USP6: variants seen among roughly 807,000 people sequenced by gnomAD.
USP6 encodes ubiquitin specific peptidase 6, also known as ubiquitin carboxyl-terminal hydrolase 6.
USP6 carries 128 observed loss-of-function variants against 175.7 expected under a neutral mutation model. The ratio of observed to expected loss-of-function variants is 0.73; its 90% CI spans 0.63 to 0.84. The LOEUF (loss-of-function observed/expected upper bound fraction) is 0.84, where lower values mean the gene tolerates loss of function less well. Ranked by LOEUF, USP6 falls within the 40% of genes least tolerant of loss-of-function variation. The pLI is 0.00. For missense variants in USP6, 1,498 were observed against 1,760.3 expected (o/e 0.85, Z 2.67); for synonymous variants, 562 against 630.6 (o/e 0.89, Z 1.63).
intron 22 of USP6, among the ~76,000 whole-genome samples, chr17:5,139,956 T>C (rs2143936937): frequency 6.6e-6 from 1 of 152,202 alleles, no homozygotes; most frequent in East Asian, 1.9e-4. Context: ...TTTGTTAAAC[T>C]TATGAAAATT....
In USP6 at chr17:5,141,447, G is replaced by A; in HGVS notation, c.1521G>A (p.Trp507Ter). 6.2e-7 allele frequency: 1 copy of A among 1,609,468 alleles called. No individual in the cohort carries two copies. The highest frequency in any genetic ancestry group is 8.5e-7 in the Non-Finnish European group (1 of 1,178,262). ...CAGTTCACAACAAAGATATGAGTTG[G>A]CCTGAGGAGATGTCTTTTACAGCAA... Reference protein sequence around the residue: ...CGEVHNKDMSWPEEMSFTANS... With the variant: ...CGEVHNKDMS Residue 507 changes from tryptophan to a stop codon, truncating the protein, a stop_gained, in exon 23 of 38, where the codon TGG becomes TGA. Transcript: ENST00000574788. LOFTEE classifies it high-confidence loss of function.
chr17:5,130,571 A>ACC (rs746769780), intron 10 of USP6, 31 bp from the exon 11 acceptor site: 1 of 1,612,454 alleles, frequency 6.2e-7, no homozygotes, highest in Admixed American at 1.7e-5. Flanking sequence ...TTTACCTTGG[A>ACC]CCCCTCACCA....
In USP6 at chr17:5,172,896, T is replaced by C. The variant is rs764307182; in HGVS notation, c.4139T>C (p.Ile1380Thr). Reference protein sequence around the residue: ...GIDYAQFLPKIDGKKMADTSS... With the variant: ...GIDYAQFLPKTDGKKMADTSS... ...GACTACGCACAATTTCTGCCAAAGATTGATGGCAAAAAGATGGCAGACACA... is the reference window on the plus strand; with the variant it reads ...GACTACGCACAATTTCTGCCAAAGACTGATGGCAAAAAGATGGCAGACACA... The change falls in exon 38 of 38, where the codon ATT becomes ACT. Residue 1380 changes from isoleucine to threonine, a missense_variant. Ile to Thr is a moderately conservative substitution (Grantham distance 89). This residue lies in a region of USP6 where 1,217 missense variants were observed against 1,500.8 expected (regional missense o/e 0.81). Coordinates refer to ENST00000574788, the MANE Select transcript of USP6 (RefSeq NM_001304284.2). 12 of 1,613,816 alleles carry C rather than the reference T, an allele frequency of 7.4e-6. No individual in the cohort carries two copies. In the Middle Eastern group the frequency reaches 4.9e-4, roughly 66 times the overall value.
intron 22 of USP6, 88 bp from the exon 23 acceptor site, chr17:5,141,337 G>T: frequency 8.4e-7 from 1 of 1,185,664 alleles, no homozygotes; most frequent in African/African-American, 1.6e-5. Flanking sequence ...TTAGGAATAA[G>T]ATGTCTTTAA....
At position 5,173,459 on chromosome 17, in the gene USP6, T is replaced by C. The variant is rs998376197; in HGVS notation, c.*481T>C. ...TGGAGAAAGCAAGATCATGAAGGTG[T>C]GCAAATGATTCTTACGGCATGGACA... On this transcript the variant is annotated 3_prime_UTR_variant, in exon 38 of 38. Coordinates refer to ENST00000574788, the MANE Select transcript of USP6 (RefSeq NM_001304284.2). 3 of 222,510 alleles carry C rather than the reference T, an allele frequency of 1.3e-5. No homozygotes were observed. Among genetic ancestry groups the C allele is most frequent in the African/African-American group, 2.2e-5 (1 of 44,688 alleles). 13.8% of individuals were successfully genotyped at this position (222,510 alleles called of 1,614,324 possible).
intron 30 of USP6, among the ~76,000 whole-genome samples, chr17:5,150,744 C>T (rs1439512163): frequency 4.6e-5 from 7 of 152,214 alleles, no homozygotes; most frequent in South Asian, 2.1e-4. Flanking sequence ...CTGCCTGCCT[C>T]GCCCTCCCGA....
rs1433033543 is a variant in USP6 at position 5,170,857 on chromosome 17, C to G, written c.3896C>G (p.Thr1299Ser). Residue 1299 changes from threonine to serine, a missense_variant, in exon 36 of 38, where the codon ACT becomes AGT. Around this residue, in one of 2 missense-constraint regions of USP6, gnomAD observed 1,217 missense variants for 1,500.8 expected, o/e 0.81. Transcript: ENST00000574788. ...QLGNHSEEDSTDDQREDTHIK... is the reference protein window; with the variant it reads ...QLGNHSEEDSSDDQREDTHIK... ...GGAAACCACAGTGAAGAAGACAGCA[C>G]TGATGACCAAAGAGAAGACACTCAT... 6.2e-7 allele frequency: 1 copy of G among 1,612,814 alleles called. No homozygotes were observed. Among genetic ancestry groups the G allele is most frequent in the East Asian group, 2.2e-5 (1 of 44,892 alleles).
chr17:5,161,769 A>T (rs1489625086), intron 32 of USP6, among the ~76,000 whole-genome samples, 155 bp downstream of exon 32: 4 of 152,248 alleles, frequency 2.6e-5, no homozygotes. Context: ...TAATCCCATC[A>T]CTTTGAGAAG....
In USP6 at chr17:5,132,939, C is replaced by G; in HGVS notation, c.225C>G (p.Ser75Arg). ...KKIRREMTRT[S>R]KWMEMLGEWE... is the part of the protein sequence containing the mutation. ...TTCGGCGGGAGATGACACGAACGAG[C>G]AAGTGGATGGAAATGCTGGGAGAAT... Residue 75 changes from serine (S) to arginine (R), a missense_variant, in exon 13 of 38, where the codon AGC becomes AGG. This residue lies in a region of USP6 where 281 missense variants were observed against 259.6 expected (regional missense o/e 1.08). Transcript: ENST00000574788. This position sits in a 1 kb window ranked among gnomAD's most constrained non-coding sequence, Gnocchi z 4.7. The G allele has an allele frequency of 6.2e-7, 1 of 1,614,108 alleles. No individual in the cohort carries two copies. The highest frequency in any genetic ancestry group is 8.5e-7 in the Non-Finnish European group (1 of 1,180,012).
Position 5,168,069 on chromosome 17 carries a change from G to C in USP6, c.3174G>C (p.Lys1058Asn), listed in dbSNP as rs752681704. 3 of 1,611,866 alleles carry C rather than the reference G, an allele frequency of 1.9e-6. No individual in the cohort carries two copies. The Admixed American group carries it at 5.0e-5, about 27-fold the overall frequency. Residue 1058 changes from lysine (K) to asparagine (N), a missense_variant, in exon 34 of 38, where the codon AAG (lysine) becomes AAC (asparagine). By Grantham distance (94) the Lys-to-Asn change is moderately conservative. Transcript: ENST00000574788. ...ESEMYYCSKC[K>N]THCLATKKLD... ...AGATGTACTACTGTTCCAAGTGTAA[G>C]ACCCACTGCTTAGCAACAAAGAAGC... is the stretch of plus-strand genomic sequence containing the variant.
intron 30 of USP6, among the ~76,000 whole-genome samples, chr17:5,153,838 T>G (rs2073826284): frequency 6.6e-6 from 1 of 152,110 alleles, no homozygotes; most frequent in South Asian, 2.1e-4. Flanking sequence ...GTATTTTTAG[T>G]AGAGACAGGG....
chr17:5,146,054 G>A lies in USP6; in HGVS notation c.2199G>A (p.Arg733=), dbSNP rs1284809481. 2 of 1,611,852 alleles carry A rather than the reference G, an allele frequency of 1.2e-6. No homozygotes were observed. The highest frequency in any genetic ancestry group is 8.5e-7 in the Non-Finnish European group (1 of 1,178,858). Residue 733 remains arginine, a synonymous_variant, in exon 28 of 38, where the codon CGG becomes CGA. Coordinates refer to ENST00000574788, the MANE Select transcript of USP6 (RefSeq NM_001304284.2). The part of the protein sequence containing the change: ...VIKLDGTTPV[R]YGLRLNMDEK... ...AGTTAGATGGTACTACCCCTGTACG[G>A]TATGGACTAAGACTGAATATGGATG...
intron 25 of USP6, among the ~76,000 whole-genome samples, chr17:5,143,600 C>T (rs1357174922): frequency 1.3e-5 from 2 of 151,884 alleles, no homozygotes; most frequent in Non-Finnish European, 2.9e-5. Context: ...CTCAAGTACC[C>T]AGGGACACAA....
chr17:5,167,052 T>A (rs944211135), intron 33 of USP6, among the ~76,000 whole-genome samples: 28 of 152,354 alleles, frequency 1.8e-4, no homozygotes, highest in African/African-American at 6.5e-4. Flanking sequence ...AGGAGACAGA[T>A]AATTATAGAC....
At position 5,163,000 on chromosome 17, in the gene USP6, A is replaced by G. The variant is rs769677321; in HGVS notation, c.3032A>G (p.Glu1011Gly). ...ALHLRYQTSQERVVDKHESVE... is the reference protein window; with the variant it reads ...ALHLRYQTSQGRVVDKHESVE... ...CACCTTCGCTATCAAACATCCCAGG[A>G]AAGGGTAAGAATTTAGGGCCACCGT... The change falls in exon 33 of 38, where the codon GAA becomes GGA. Residue 1011 changes from glutamate to glycine, a missense_variant. Coordinates refer to ENST00000574788, the MANE Select transcript of USP6 (RefSeq NM_001304284.2). 153 of 1,577,830 alleles carry G rather than the reference A, an allele frequency of 9.7e-5. 1 individual carries two copies. The Admixed American group carries it at 3.1e-3, about 32-fold the overall frequency.
intron 18 of USP6, 45 bp downstream of exon 18, chr17:5,136,779 T>C: frequency 1.2e-6 from 2 of 1,601,138 alleles, no homozygotes; most frequent in Non-Finnish European, 1.7e-6. Context: ...CCCTGCCTCC[T>C]GTGGGGCTGT....
In USP6 at chr17:5,146,158, A is replaced by T. The variant is rs368239038; in HGVS notation, c.2303A>T (p.His768Leu). 5.0e-6 allele frequency: 8 copies of T among 1,610,002 alleles called. No individual in the cohort carries two copies. Among genetic ancestry groups the T allele is most frequent in the Admixed American group, 1.7e-5 (1 of 59,218 alleles). Residue 768 changes from histidine (H) to leucine (L), a missense_variant, in exon 28 of 38, where the codon CAT (histidine) becomes CTT (leucine). By Grantham distance (99) the His-to-Leu change is moderately conservative. Coordinates refer to ENST00000574788, the MANE Select transcript of USP6 (RefSeq NM_001304284.2). ...GAACAAATCCTACTAGCAGAAGTACATGATTCCAACATAAAGGTAATGTTA... is the reference window on the plus strand; with the variant it reads ...GAACAAATCCTACTAGCAGAAGTACTTGATTCCAACATAAAGGTAATGTTA... ...NSEQILLAEVHDSNIKNFPQD... is the reference protein window; with the variant it reads ...NSEQILLAEVLDSNIKNFPQD...
chr17:5,136,803 C>A lies in USP6; in HGVS notation c.759+69C>A, dbSNP rs112275161. 19 of 1,583,372 alleles carry A rather than the reference C, an allele frequency of 1.2e-5. No individual in the cohort carries two copies. In the African/African-American group the frequency reaches 2.3e-4, roughly 19 times the overall value. On this transcript the variant is annotated intron_variant, in intron 18 of 37. Transcript: ENST00000574788. ...CTGTGGGGCTGTAGGAGCAGGGGGA[C>A]TGGAGTCCCTTGTGGGACTGGTGAC...
chr17:5,138,405 TCTAAG>T, intron 21 of USP6, 132 bp downstream of exon 21: 1 of 1,510,020 alleles, frequency 6.6e-7, no homozygotes, highest in African/African-American at 1.4e-5. Context: ...CCTCCTGGAC[TCTAAG>T]AAAGTACAGG....
Sources: gnomAD v4.1 joint callset for allele counts (sites outside exome capture counted in the v4.1 genomes callset) on GRCh38, gnomAD v4.1.1 for gene constraint, gnomAD v4.1.1 regional missense constraint, Gnocchi (gnomAD v3.1) non-coding constraint, MANE v1.5 for transcripts, NCBI Gene and HGNC (gene_info 2026-07-23, HGNC 2026-07-21) for gene names.